PPP3R1: variants seen among roughly 807,000 people sequenced by gnomAD.
PPP3R1 encodes protein phosphatase 3 regulatory subunit B, alpha.
PPP3R1 carries 5 observed loss-of-function variants against 22.6 expected under a neutral mutation model. That is an observed-to-expected ratio of 0.22 (90% CI 0.12 to 0.46). PPP3R1 has a LOEUF of 0.46. Ranked by LOEUF, PPP3R1 falls within the 20% of genes least tolerant of loss-of-function variation. PPP3R1 has a pLI of 0.99. For missense variants in PPP3R1, 61 were observed against 203.2 expected (o/e 0.30, Z 4.25); for synonymous variants, 56 against 65.2 (o/e 0.86, Z 0.68).
At chr2:68,188,720 T>G in intron 2 of PPP3R1, 30 bp from the exon 3 acceptor site, 2 of 1,535,260 alleles carry the variant, frequency 1.3e-6, no homozygotes, top group Non-Finnish European at 1.7e-6. Context: ...GAAGCAAGAA[T>G]TTTTTAAAAA....
chr2:68,218,915 T>C (rs577946646), intron 1 of PPP3R1, among the ~76,000 whole-genome samples: 1 of 152,150 alleles, frequency 6.6e-6, no homozygotes, highest in East Asian at 1.9e-4. Flanking sequence ...CATTCCCAAC[T>C]AGACAACGTC....
rs767847814 is a variant in PPP3R1 at position 68,180,990 on chromosome 2, G to T, written c.486C>A (p.Ile162=). 6.2e-7 allele frequency: 1 copy of T among 1,613,594 alleles called. No individual in the cohort carries two copies. The highest frequency in any genetic ancestry group is 1.1e-5 in the South Asian group (1 of 91,056). Residue 162 remains isoleucine, a synonymous_variant, in exon 6 of 6, where the codon ATC becomes ATA. Coordinates refer to ENST00000234310, the MANE Select transcript of PPP3R1 (RefSeq NM_000945.4). ...EFCAVVGGLD[I]HKKMVVDV ...ACACATCTACCACCATCTTTTTGTG[G>T]ATATCTAGGCCACCTACAACCTGCA...
chr2:68,188,719 A>AT, intron 2 of PPP3R1, 29 bp from the exon 3 acceptor site: 1 of 1,535,324 alleles, frequency 6.5e-7, no homozygotes, highest in Non-Finnish European at 8.7e-7. Flanking sequence ...GGAAGCAAGA[A>AT]TTTTTTAAAA....
chr2:68,214,972 G>A (rs1669550134), intron 2 of PPP3R1, among the ~76,000 whole-genome samples: 1 of 152,062 alleles, frequency 6.6e-6, no homozygotes, highest in Non-Finnish European at 1.5e-5. Context: ...ACACGAGATC[G>A]TGTCTTCTGC....
At chr2:68,190,843 A>G (rs1175131679) in intron 2 of PPP3R1, among the ~76,000 whole-genome samples, 1 of 152,232 alleles carries the variant, frequency 6.6e-6, no homozygotes, top group Non-Finnish European at 1.5e-5. Flanking sequence ...ACTAAAGCAA[A>G]TAACTTCAAC....
intron 2 of PPP3R1, among the ~76,000 whole-genome samples, chr2:68,208,613 G>T (rs1056782911): frequency 6.6e-6 from 1 of 152,158 alleles, no homozygotes; most frequent in Non-Finnish European, 1.5e-5. Context: ...AAACATACAT[G>T]CCCTCATATG....
chr2:68,187,645 C>T (rs1674573465), intron 3 of PPP3R1, among the ~76,000 whole-genome samples: 1 of 151,998 alleles, frequency 6.6e-6, no homozygotes, highest in African/African-American at 2.4e-5. Context: ...TAAAAAAAAA[C>T]CCACTATAAA....
At chr2:68,195,374 C>G (rs960617320) in intron 2 of PPP3R1, among the ~76,000 whole-genome samples, 2 of 152,122 alleles carry the variant, frequency 1.3e-5, no homozygotes, top group Non-Finnish European at 2.9e-5. Flanking sequence ...CTCCAGTACA[C>G]TGTATCAAGG....
chr2:68,228,711 C>A (rs1669831415), intron 1 of PPP3R1, among the ~76,000 whole-genome samples: 1 of 151,524 alleles, frequency 6.6e-6, no homozygotes. Context: ...TTTCTAGGTT[C>A]TTGAAGTGGG....
At chr2:68,243,555 C>T (rs1297739872) in intron 1 of PPP3R1, among the ~76,000 whole-genome samples, 1 of 152,044 alleles carries the variant, frequency 6.6e-6, no homozygotes, top group African/African-American at 2.4e-5. Context: ...AATTTGTTAT[C>T]CATGTTATGT....
chr2:68,224,239 CCAG>C (rs1394081973), intron 1 of PPP3R1, among the ~76,000 whole-genome samples: 4 of 151,998 alleles, frequency 2.6e-5, no homozygotes, highest in East Asian at 1.9e-4. Flanking sequence ...AATAAAAATC[CCAG>C]CAGAATATTT....
At chr2:68,229,066 T>G (rs769052820) in intron 1 of PPP3R1, among the ~76,000 whole-genome samples, 30 of 152,182 alleles carry the variant, frequency 2.0e-4, no homozygotes, top group Non-Finnish European at 4.0e-4. Flanking sequence ...GTCACTCAGC[T>G]TGAGTGTAGT....
chr2:68,241,614 C>T lies in PPP3R1; in HGVS notation c.3+10511G>A, dbSNP rs1366687536. Reference sequence around the variant, plus strand: ...CTATAATCCCAGCACTTTGGGAGGCCAAGGTGGGCGGATCACCAGGTCAGG... The same window carrying T: ...CTATAATCCCAGCACTTTGGGAGGCTAAGGTGGGCGGATCACCAGGTCAGG... On this transcript the variant is annotated intron_variant, in intron 1 of 5. Transcript: ENST00000234310. Among the ~76,000 whole-genome samples, 7 of 152,212 alleles carry T rather than the reference C, an allele frequency of 4.6e-5. No individual in the cohort carries two copies. In the East Asian group the frequency reaches 1.4e-3, roughly 29 times the overall value.
chr2:68,207,148 CA>C (rs568296465), intron 2 of PPP3R1, among the ~76,000 whole-genome samples: 7 of 117,268 alleles, frequency 6.0e-5, no homozygotes, highest in Admixed American at 8.4e-5. Context: ...TGTGGGTGAA[CA>C]AAAAAAGTGG....
rs1343166780 is a variant in PPP3R1 at position 68,179,935 on chromosome 2, C to G, written c.*1028G>C. 1 of 152,176 alleles carries G rather than the reference C, an allele frequency of 6.6e-6. No homozygotes were observed. The highest frequency in any genetic ancestry group is 2.4e-5 in the African/African-American group (1 of 41,444). 9.4% of individuals were successfully genotyped at this position (152,176 alleles called of 1,614,324 possible). On this transcript the variant is annotated 3_prime_UTR_variant, in exon 6 of 6. Coordinates refer to ENST00000234310, the MANE Select transcript of PPP3R1 (RefSeq NM_000945.4). ...CCAGTTTTTTAGATTAGCTGCAAGTCTTTTGAAACAAGGGAATTCATGATT... is the reference window on the plus strand; with the variant it reads ...CCAGTTTTTTAGATTAGCTGCAAGTGTTTTGAAACAAGGGAATTCATGATT...
intron 1 of PPP3R1, chr2:68,250,977 G>C (rs567743841): frequency 6.6e-6 from 1 of 152,284 alleles, no homozygotes; most frequent in South Asian, 2.1e-4. Flanking sequence ...GAAAAGATGC[G>C]AGAAATTACC....
chr2:68,202,705 G>A (rs1353507857), intron 2 of PPP3R1, among the ~76,000 whole-genome samples: 1 of 150,918 alleles, frequency 6.6e-6, no homozygotes, highest in East Asian at 2.0e-4. Flanking sequence ...GATTACAGGT[G>A]TAAGCCACTG....
At chr2:68,185,119 T>C (rs1296962090) in intron 5 of PPP3R1, among the ~76,000 whole-genome samples, 3 of 150,868 alleles carry the variant, frequency 2.0e-5, no homozygotes, top group African/African-American at 7.3e-5. Flanking sequence ...CTCAAGAGGC[T>C]GAGGCAGGAA....
chr2:68,222,047 A>G (rs1363961780), intron 1 of PPP3R1, among the ~76,000 whole-genome samples: 1 of 152,180 alleles, frequency 6.6e-6, no homozygotes. Flanking sequence ...AGAAATGAAA[A>G]ATATCAGAAA....
Sources: allele counts gnomAD v4.1 joint callset (sites outside exome capture counted in the v4.1 genomes callset), GRCh38; gene constraint gnomAD v4.1.1; transcripts MANE v1.5; gene names NCBI Gene and HGNC (gene_info 2026-07-23, HGNC 2026-07-21).